The following PDE4D variants were observed in gnomAD, a reference collection of about 807,000 sequenced individuals.
The protein encoded by PDE4D is phosphodiesterase 4D, also known as 3',5'-cyclic-AMP phosphodiesterase 4D.
In PDE4D, 24 loss-of-function variants were observed where a neutral mutation model predicts 87.4. The observed-to-expected ratio is 0.27, with a 90% confidence interval of 0.20 to 0.39. The LOEUF (loss-of-function observed/expected upper bound fraction) is 0.39, where lower values mean the gene tolerates loss of function less well. Among genes scored for constraint, PDE4D ranks in the 10% least tolerant of loss-of-function variants. The pLI is 1.00. For missense variants in PDE4D, 714 were observed against 1,041.0 expected (o/e 0.69, Z 4.32); for synonymous variants, 384 against 383.2 (o/e 1.00, Z -0.02).
rs1468129476 is a variant in PDE4D at position 58,973,202 on chromosome 5, T to TAAC, written c.*1459_*1461dup. ...CTTAAAAACTGCCTAGTTGGCTGTTTAACTTTTCTCTGTAAACCAAGAGTA... is the reference window on the plus strand; with the variant it reads ...CTTAAAAACTGCCTAGTTGGCTGTTTAACAACTTTTCTCTGTAAACCAAGAGTA... On this transcript the variant is annotated 3_prime_UTR_variant, in exon 15 of 15. Coordinates refer to ENST00000340635, the MANE Select transcript of PDE4D (RefSeq NM_001104631.2). 2 of 152,208 alleles carry TAAC rather than the reference T, an allele frequency of 1.3e-5. No individual in the cohort carries two copies. Among genetic ancestry groups the TAAC allele is most frequent in the African/African-American group, 4.8e-5 (2 of 41,448 alleles). The allele number at this position is 152,208 out of a possible 1,614,324, so 9.4% of individuals were successfully genotyped here. A position where few individuals can be genotyped will look rare whatever the true frequency, so the allele number is the denominator to read the frequency against.
chr5:59,362,413 A>G (rs1043254941), intron 1 of PDE4D, among the ~76,000 whole-genome samples: 1 of 152,176 alleles, frequency 6.6e-6, no homozygotes, highest in Admixed American at 6.5e-5. Context: ...TAAGAATAAA[A>G]TATTAGCTGT....
At chr5:59,704,022 A>G (rs1369729948) in intron 1 of PDE4D, among the ~76,000 whole-genome samples, 1 of 152,148 alleles carries the variant, frequency 6.6e-6, no homozygotes, top group Non-Finnish European at 1.5e-5. Flanking sequence ...ATGTTACACA[A>G]CAGGAAATGT....
Position 59,843,180 on chromosome 5 carries a change from A to T in PDE4D, c.455+49988T>A, listed in dbSNP as rs146691176. Reference sequence around the variant, plus strand: ...TAAAAAATCAGTTCCTTCTGCTACAATATAAATAGCATGATAAGCCCTATC... The same window carrying T: ...TAAAAAATCAGTTCCTTCTGCTACATTATAAATAGCATGATAAGCCCTATC... On this transcript the variant is annotated intron_variant, in intron 1 of 14. Transcript: ENST00000340635. 2.5e-3 allele frequency among the ~76,000 whole-genome samples: 382 copies of T among 152,152 alleles called. 2 individuals carry two copies. Among genetic ancestry groups the T allele is most frequent in the Admixed American group, 4.0e-3 (61 of 15,268 alleles).
At chr5:59,391,311 C>T (rs1788195121) in intron 1 of PDE4D, among the ~76,000 whole-genome samples, 1 of 152,110 alleles carries the variant, frequency 6.6e-6, no homozygotes, top group Non-Finnish European at 1.5e-5. Context: ...AACAAATTAT[C>T]TAGTTTCATG....
intron 1 of PDE4D, chr5:60,303,972 C>T (rs1754188747): frequency 6.6e-6 from 1 of 152,172 alleles, no homozygotes; most frequent in Non-Finnish European, 1.5e-5. Flanking sequence ...AATCTGAGTG[C>T]TCCCGTATTG....
chr5:59,464,774 A>T (rs1483595593), intron 1 of PDE4D, among the ~76,000 whole-genome samples: 1 of 151,874 alleles, frequency 6.6e-6, no homozygotes, highest in Non-Finnish European at 1.5e-5. Flanking sequence ...TGCAGGAATC[A>T]TATGTGCAAA....
intron 1 of PDE4D, among the ~76,000 whole-genome samples, chr5:59,346,001 G>T (rs1779550708): frequency 1.3e-5 from 2 of 152,142 alleles, no homozygotes; most frequent in Admixed American, 6.5e-5. Flanking sequence ...TAAGTAAATT[G>T]TAGCATATTC....
At chr5:59,171,770 A>C (rs992640303) in intron 5 of PDE4D, among the ~76,000 whole-genome samples, 5 of 141,778 alleles carry the variant, frequency 3.5e-5, no homozygotes, top group South Asian at 2.1e-4. Context: ...CTCTCTCTCT[A>C]TATATGAATA....
At chr5:59,259,714 A>C (rs141371647) in intron 1 of PDE4D, among the ~76,000 whole-genome samples, 4 of 151,982 alleles carry the variant, frequency 2.6e-5, no homozygotes, top group Non-Finnish European at 5.9e-5. Context: ...AGTATCTTTC[A>C]TGTAGCATTA....
At position 59,112,604 on chromosome 5, in the gene PDE4D, A is replaced by C. The variant is rs116349658; in HGVS notation, c.808+67991T>G. Among the ~76,000 whole-genome samples, 373 of 152,190 alleles carry C rather than the reference A, an allele frequency of 2.5e-3. 1 individual carries two copies. The highest frequency in any genetic ancestry group is 4.6e-3 in the Admixed American group (70 of 15,296). On this transcript the variant is annotated intron_variant, in intron 5 of 14. Transcript: ENST00000340635. ...GAGGCTTCAGGAGTTCTAATGTATT[A>C]GATACGAGATGTTCTAAAAAGAGTA...
At chr5:59,912,475 T>C (rs6879326) in intron 3 of PDE4D, among the ~76,000 whole-genome samples, 80,194 of 152,008 alleles carry the variant, frequency 0.53, 21,384 homozygotes, top group East Asian at 0.76. Flanking sequence ...ATTAATTGTA[T>C]TGACAGGTTT....
At chr5:59,582,822 C>T (rs1258140778) in intron 1 of PDE4D, among the ~76,000 whole-genome samples, 2 of 152,272 alleles carry the variant, frequency 1.3e-5, no homozygotes, top group African/African-American at 4.8e-5. Context: ...ACTGGAGTTA[C>T]CTCTCAGCAT....
At chr5:59,612,380 A>G (rs893028524) in intron 1 of PDE4D, among the ~76,000 whole-genome samples, 2 of 152,136 alleles carry the variant, frequency 1.3e-5, no homozygotes, top group African/African-American at 4.8e-5. Flanking sequence ...GGCAAGTCTG[A>G]CAATCCAATA....
chr5:60,502,714 A>G (rs1750142338), intron 1 of PDE4D, among the ~76,000 whole-genome samples: 1 of 152,122 alleles, frequency 6.6e-6, no homozygotes, highest in South Asian at 2.1e-4. Context: ...CAATCTCTAA[A>G]TCTCTAAAAT....
At chr5:60,073,967 A>G (rs1588265) in intron 2 of PDE4D, among the ~76,000 whole-genome samples, 44,664 of 151,750 alleles carry the variant, frequency 0.29, 7,322 homozygotes, top group East Asian at 0.74. Context: ...TAATTTTTCA[A>G]AAACACAGCC....
chr5:59,795,661 A>G (rs1484206611), intron 1 of PDE4D, among the ~76,000 whole-genome samples: 2 of 152,158 alleles, frequency 1.3e-5, no homozygotes, highest in Non-Finnish European at 2.9e-5. Flanking sequence ...CTCGGACCAC[A>G]CTGTCGGCTG....
chr5:60,278,702 G>A (rs1751603999), intron 1 of PDE4D, among the ~76,000 whole-genome samples: 1 of 151,146 alleles, frequency 6.6e-6, no homozygotes, highest in Non-Finnish European at 1.5e-5. Flanking sequence ...TTTAGTTATT[G>A]TATTTTTCAG....
chr5:59,341,044 A>C (rs1778638028), intron 1 of PDE4D, among the ~76,000 whole-genome samples: 1 of 152,158 alleles, frequency 6.6e-6, no homozygotes, highest in African/African-American at 2.4e-5. Context: ...CAAATGAGAA[A>C]ATTTTTACTT....
chr5:59,905,699 G>A lies in PDE4D; in HGVS notation c.272+82789C>T, dbSNP rs115297107. Among the ~76,000 whole-genome samples the A allele has an allele frequency of 6.8e-3, 1,036 of 152,130 alleles. 18 individuals are homozygous for A. Among genetic ancestry groups the A allele is most frequent in the African/African-American group, 0.023 (968 of 41,490 alleles). On this transcript the variant is annotated intron_variant, in intron 3 of 16. Transcript: ENST00000502484. ...ATGTAAAATGCTCAGCACAATATCT[G>A]TTACATAAATAATGCATGTATACCT... is the stretch of plus-strand genomic sequence containing the variant.
Sources: allele counts gnomAD v4.1 joint callset (sites outside exome capture counted in the v4.1 genomes callset), GRCh38; gene constraint gnomAD v4.1.1; transcripts MANE v1.5; gene names NCBI Gene and HGNC (gene_info 2026-07-23, HGNC 2026-07-21).